Variants in SERPINC1 observed in about 807,000 individuals in gnomAD.
SERPINC1 encodes serpin family C member 1, also known as antithrombin-III.
A neutral mutation model predicts 43.4 loss-of-function variants in SERPINC1; 12 were observed. The ratio of observed to expected loss-of-function variants is 0.28; its 90% CI spans 0.18 to 0.45. The LOEUF (loss-of-function observed/expected upper bound fraction) is 0.45, where lower values mean the gene tolerates loss of function less well. Among genes scored for constraint, SERPINC1 ranks in the 20% least tolerant of loss-of-function variants. The pLI, the probability that SERPINC1 is intolerant of heterozygous loss-of-function variation, is 1.00. For missense variants in SERPINC1, 423 were observed against 578.8 expected (o/e 0.73, Z 2.76); for synonymous variants, 210 against 218.9 (o/e 0.96, Z 0.36).
rs1304180155 is a variant in SERPINC1, at chr1:173,910,885, C to T, written c.631G>A (p.Ala211Thr). 3.7e-6 allele frequency: 6 copies of T among 1,614,026 alleles called. No individual in the cohort carries two copies. The African/African-American group carries it at 4.0e-5, about 11-fold the overall frequency. ...KLQPLDFKEN[A>T]EQSRAAINKW... ...TTGATGGCCGCTCTGGATTGCTCTG[C>T]ATTTTCCTGAGGAGAACAGAAAATA... Residue 211 changes from alanine to threonine, a missense_variant, in exon 4 of 7, where the codon GCA becomes ACA. Coordinates refer to ENST00000367698, the MANE Select transcript of SERPINC1 (RefSeq NM_000488.4).
At position 173,909,852 on chromosome 1, in the gene SERPINC1, A is replaced by C. The variant is rs1328255386; in HGVS notation, c.853T>G (p.Tyr285Asp). Residue 285 changes from tyrosine (Y) to aspartate (D), a missense_variant, in exon 5 of 7, where the codon TAC becomes GAC. Coordinates refer to ENST00000367698, the MANE Select transcript of SERPINC1 (RefSeq NM_000488.4). ...CGATAACGGAACTTGCCTTCCTGGT[A>C]CATCATAGATGCTGAACACGACTCT... ...DGESCSASMM[Y>D]QEGKFRYRRV... 1 of 1,614,082 alleles carries C rather than the reference A, an allele frequency of 6.2e-7. No individual in the cohort carries two copies. Among genetic ancestry groups the C allele is most frequent in the African/African-American group, 1.3e-5 (1 of 75,066 alleles).
rs572313182 is a variant in SERPINC1, at chr1:173,909,827, C to T, written c.878G>A (p.Arg293Gln). The change falls in exon 5 of 7, where the codon CGG becomes CAG. Residue 293 changes from arginine to glutamine, a missense_variant. Transcript: ENST00000367698. ...CACCTGGGTGCCTTCAGCCACGCGC[C>T]GATAACGGAACTTGCCTTCCTGGTA... is the stretch of plus-strand genomic sequence containing the variant. ...MMYQEGKFRYRRVAEGTQVLE... is the reference protein window; with the variant it reads ...MMYQEGKFRYQRVAEGTQVLE... 183 of 1,614,106 alleles carry T rather than the reference C, an allele frequency of 1.1e-4. 1 individual carries two copies. The South Asian group carries it at 1.9e-3, about 17-fold the overall frequency.
intron 5 of SERPINC1, 74 bp downstream of exon 5, chr1:173,909,477 CT>C: frequency 6.6e-7 from 1 of 1,505,512 alleles, no homozygotes; most frequent in Non-Finnish European, 9.2e-7. Context: ...CCTTTCTATT[CT>C]TTCTCCAACT....
In SERPINC1 at chr1:173,910,802, G is replaced by A. The variant is rs1314298514; in HGVS notation, c.714C>T (p.Ala238=). 6.2e-7 allele frequency: 1 copy of A among 1,614,104 alleles called. No individual in the cohort carries two copies. Among genetic ancestry groups the A allele is most frequent in the South Asian group, 1.1e-5 (1 of 91,084 alleles). ...GRITDVIPSE[A]INELTVLVLV... is the part of the protein sequence containing the mutation. ...GCACCAGAACAGTGAGCTCATTGAT[G>A]GCTTCCGAGGGAATGACATCGGTGA... The change falls in exon 4 of 7, where the codon GCC becomes GCT. Residue 238 remains alanine, a synonymous_variant. Coordinates refer to ENST00000367698, the MANE Select transcript of SERPINC1 (RefSeq NM_000488.4).
At chr1:173,908,579 G>A (rs1318579631) in intron 5 of SERPINC1, among the ~76,000 whole-genome samples, 1 of 149,118 alleles carries the variant, frequency 6.7e-6, no homozygotes, top group Non-Finnish European at 1.5e-5. Flanking sequence ...TATTTATTTA[G>A]TGATAGGACC....
chr1:173,904,882 T>C (rs1657426005), intron 6 of SERPINC1, among the ~76,000 whole-genome samples: 1 of 152,192 alleles, frequency 6.6e-6, no homozygotes, highest in African/African-American at 2.4e-5. Flanking sequence ...CCAGGATCCT[T>C]TTATTCAAAT....
In SERPINC1 at chr1:173,907,491, C is replaced by T; in HGVS notation, c.1177G>A (p.Asp393Asn). ...TGGAATGCATCTGAGACATAGAGGT[C>T]ATCTCGGCCTTCTGCAACAATACCT... ...LPGIVAEGRDDLYVSDAFHKA... is the reference protein window; with the variant it reads ...LPGIVAEGRDNLYVSDAFHKA... Residue 393 changes from aspartate to asparagine, a missense_variant, in exon 6 of 7, where the codon GAC (aspartate) becomes AAC (asparagine). Transcript: ENST00000367698. 6.2e-7 allele frequency: 1 copy of T among 1,613,938 alleles called. No homozygotes were observed. Among genetic ancestry groups the T allele is most frequent in the Non-Finnish European group, 8.5e-7 (1 of 1,179,856 alleles).
At chr1:173,905,837 A>T (rs1657479826) in intron 6 of SERPINC1, among the ~76,000 whole-genome samples, 1 of 152,144 alleles carries the variant, frequency 6.6e-6, no homozygotes, top group Non-Finnish European at 1.5e-5. Flanking sequence ...CCATGGCTAC[A>T]CCTTGGACTT....
At chr1:173,905,501 C>T (rs1214339630) in intron 6 of SERPINC1, among the ~76,000 whole-genome samples, 1 of 152,130 alleles carries the variant, frequency 6.6e-6, no homozygotes, top group South Asian at 2.1e-4. Flanking sequence ...AGGTGGATCA[C>T]TTAAGGTCAG....
chr1:173,904,120 G>T, intron 6 of SERPINC1, 55 bp from the exon 7 acceptor site: 1 of 1,557,328 alleles, frequency 6.4e-7, no homozygotes, highest in Non-Finnish European at 8.9e-7. Context: ...TTCATTTTTG[G>T]CAGGTAAATC....
At position 173,914,481 on chromosome 1, in the gene SERPINC1, T is replaced by C. The variant is rs542638601; in HGVS notation, c.408+72A>G. The C allele has an allele frequency of 8.5e-5, 135 of 1,587,824 alleles. No homozygotes were observed. The Middle Eastern group carries it at 2.6e-3, about 30-fold the overall frequency. ...GCCTGCAGTGTTGGTTGAGGAATCA[T>C]TGGACTTGGGCCTATGGAAGCCCCA... On this transcript the variant is annotated intron_variant, in intron 2 of 6. Coordinates refer to ENST00000367698, the MANE Select transcript of SERPINC1 (RefSeq NM_000488.4).
At chr1:173,909,112 G>A (rs1215312528) in intron 5 of SERPINC1, among the ~76,000 whole-genome samples, 2 of 152,028 alleles carry the variant, frequency 1.3e-5, no homozygotes, top group South Asian at 2.1e-4. Context: ...GCAGTGAGCC[G>A]AGATCGCACC....
intron 1 of SERPINC1, 104 bp downstream of exon 1, chr1:173,917,115 A>T (rs941170386): frequency 2.1e-6 from 2 of 945,248 alleles, no homozygotes; most frequent in African/African-American, 3.2e-5. Context: ...ACTACCAGGG[A>T]GAGGGCCTGG....
chr1:173,909,163 A>G (rs1186734334), intron 5 of SERPINC1, among the ~76,000 whole-genome samples: 1 of 127,840 alleles, frequency 7.8e-6, no homozygotes, highest in Non-Finnish European at 1.5e-5. Flanking sequence ...ACTCTGTCTC[A>G]AGTAATAATA....
At chr1:173,907,984 AAATAATAATAAT>A (rs57195053) in intron 5 of SERPINC1, among the ~76,000 whole-genome samples, 14,422 of 139,334 alleles carry the variant, frequency 0.1, 1,234 homozygotes, top group East Asian at 0.31. Flanking sequence ...TGCATCTCAA[AAATAATAATAAT>A]AATAATAATA....
chr1:173,912,483 A>C (rs1214037463), intron 2 of SERPINC1, among the ~76,000 whole-genome samples: 2 of 152,116 alleles, frequency 1.3e-5, no homozygotes, highest in African/African-American at 4.8e-5. Context: ...AGAATCTAAG[A>C]GCTCAGGGCT....
rs121909557 is a variant in SERPINC1 at position 173,904,044 on chromosome 1, C to T, written c.1240G>A (p.Ala414Thr). ...ATCACAACAGCGGTACTTGCAGCTG[C>T]TTCACTGCCTTCTTCATTTACCTGC... The part of the protein sequence containing the change: ...FLEVNEEGSE[A>T]AASTAVVIAG... Residue 414 changes from alanine to threonine, a missense_variant, in exon 7 of 7, where the codon GCA becomes ACA. Ala to Thr is a moderately conservative substitution (Grantham distance 58, BLOSUM62 0). Transcript: ENST00000367698. 2.5e-6 allele frequency: 4 copies of T among 1,614,200 alleles called. No individual in the cohort carries two copies. Among genetic ancestry groups the T allele is most frequent in the Non-Finnish European group, 3.4e-6 (4 of 1,180,010 alleles).
At chr1:173,905,665 G>A (rs1394201264) in intron 6 of SERPINC1, among the ~76,000 whole-genome samples, 1 of 151,874 alleles carries the variant, frequency 6.6e-6, no homozygotes, top group Non-Finnish European at 1.5e-5. Flanking sequence ...AGGTTGCAGT[G>A]AACTGAGATC....
chr1:173,914,999 G>A (rs1345744806), intron 1 of SERPINC1, 80 bp from the exon 2 acceptor site: 6 of 1,561,582 alleles, frequency 3.8e-6, no homozygotes, highest in Non-Finnish European at 5.2e-6. Context: ...CCCCAGTAAA[G>A]CAGAGGATTC....
Sources: gnomAD v4.1 joint callset for allele counts (sites outside exome capture counted in the v4.1 genomes callset) on GRCh38, gnomAD v4.1.1 for gene constraint, MANE v1.5 for transcripts, NCBI Gene and HGNC (gene_info 2026-07-23, HGNC 2026-07-21) for gene names.